The following TMEM131 variants were observed in gnomAD, a reference collection of about 807,000 sequenced individuals.
TMEM131 encodes 2610524E03Rik.
Under a neutral mutation model 211.6 loss-of-function variants are expected in TMEM131, and 66 were observed. The ratio of observed to expected loss-of-function variants is 0.31; its 90% CI spans 0.26 to 0.38. The LOEUF is 0.38. Among genes scored for constraint, TMEM131 ranks in the 10% least tolerant of loss-of-function variants. The probability of loss-of-function intolerance (pLI) is 1.00; values close to 1 mark genes in which losing one functional copy is unlikely to be tolerated. For synonymous variants in TMEM131, 844 were observed against 841.3 expected (o/e 1.00, Z -0.06); for missense variants, 2,036 against 2,299.3 (o/e 0.89, Z 2.34).
intron 1 of TMEM131, among the ~76,000 whole-genome samples, chr2:97,936,719 T>C (rs550074958): frequency 6.6e-6 from 1 of 150,700 alleles, no homozygotes; most frequent in Admixed American, 6.6e-5. Context: ...ATTTCCAGAG[T>C]TGCCACCTTA....
chr2:97,796,146 TA>T (rs1202683921), intron 28 of TMEM131, 71 bp downstream of exon 28: 2 of 895,500 alleles, frequency 2.2e-6, no homozygotes, highest in Non-Finnish European at 3.2e-6. Flanking sequence ...CTTTGGTAAA[TA>T]TGAAAACATA....
chr2:97,768,905 A>G (rs1182013015), intron 33 of TMEM131, among the ~76,000 whole-genome samples: 1 of 150,818 alleles, frequency 6.6e-6, no homozygotes, highest in Admixed American at 6.7e-5. Context: ...CCCAGACTGA[A>G]GTGATTCTTT....
At chr2:97,811,650 C>A (rs185609458) in intron 17 of TMEM131, among the ~76,000 whole-genome samples, 58 of 152,358 alleles carry the variant, frequency 3.8e-4, no homozygotes, top group Non-Finnish European at 6.9e-4. Flanking sequence ...ATATTCATAT[C>A]TTCAGGGCAG....
intron 2 of TMEM131, among the ~76,000 whole-genome samples, chr2:97,918,992 G>A (rs1345127063): frequency 6.6e-6 from 1 of 152,178 alleles, no homozygotes; most frequent in Admixed American, 6.5e-5. Flanking sequence ...TGTCAGCTGG[G>A]AGCTCAGCTG....
chr2:97,894,388 T>G (rs1290035324), intron 3 of TMEM131, among the ~76,000 whole-genome samples: 1 of 152,204 alleles, frequency 6.6e-6, no homozygotes, highest in Non-Finnish European at 1.5e-5. Context: ...CATATGAAGT[T>G]TAAAGTAGTT....
chr2:97,799,022 T>C (rs997884916), intron 25 of TMEM131, among the ~76,000 whole-genome samples: 2 of 152,184 alleles, frequency 1.3e-5, no homozygotes, highest in African/African-American at 4.8e-5. Context: ...ATAGTGGTGG[T>C]TCTCCAAGAG....
At chr2:97,879,728 GTCT>G (rs560283963) in intron 4 of TMEM131, among the ~76,000 whole-genome samples, 4 of 152,066 alleles carry the variant, frequency 2.6e-5, no homozygotes, top group Non-Finnish European at 4.4e-5. Context: ...TTTCCTTACT[GTCT>G]TCTTAACATT....
intron 31 of TMEM131, among the ~76,000 whole-genome samples, chr2:97,785,748 C>T (rs1237556405): frequency 6.6e-6 from 1 of 152,074 alleles, no homozygotes; most frequent in Non-Finnish European, 1.5e-5. Flanking sequence ...CATAACAGCC[C>T]CAAATTAGAC....
At chr2:97,851,889 G>T (rs549955425) in intron 5 of TMEM131, among the ~76,000 whole-genome samples, 60 of 152,282 alleles carry the variant, frequency 3.9e-4, no homozygotes, top group Middle Eastern at 3.4e-3. Context: ...TGTAAGTGTT[G>T]GAGTAAAAGG....
chr2:97,790,078 A>G (rs1680429336), intron 31 of TMEM131, among the ~76,000 whole-genome samples: 1 of 152,098 alleles, frequency 6.6e-6, no homozygotes, highest in South Asian at 2.1e-4. Context: ...CCAGGGGGAG[A>G]AAAAAAAGAA....
intron 3 of TMEM131, among the ~76,000 whole-genome samples, chr2:97,898,943 C>G (rs72942872): frequency 0.025 from 3,756 of 151,988 alleles, 165 homozygotes; most frequent in African/African-American, 0.087. Flanking sequence ...TTAATAAATA[C>G]CTATTAGGTC....
At chr2:97,759,913 A>C in intron 38 of TMEM131, 164 bp from the exon 39 acceptor site, 1 of 614,870 alleles carries the variant, frequency 1.6e-6, no homozygotes, top group Non-Finnish European at 2.9e-6. Flanking sequence ...TGCTTACCAC[A>C]AGGGTTGAGT....
chr2:97,952,405 ACACAT>A (rs1678366819), intron 1 of TMEM131, among the ~76,000 whole-genome samples: 1 of 152,220 alleles, frequency 6.6e-6, no homozygotes. Context: ...TCATATCAAG[ACACAT>A]CACAAACTTC....
intron 3 of TMEM131, among the ~76,000 whole-genome samples, chr2:97,907,970 G>A (rs1676141411): frequency 6.6e-6 from 1 of 152,090 alleles, no homozygotes; most frequent in Admixed American, 6.6e-5. Flanking sequence ...GGCTGGGAGT[G>A]AACACAAAAT....
At chr2:97,972,157 G>C (rs180745924) in intron 1 of TMEM131, among the ~76,000 whole-genome samples, 1 of 152,128 alleles carries the variant, frequency 6.6e-6, no homozygotes, top group African/African-American at 2.4e-5. Context: ...GCAGTGAGCC[G>C]AGATCTGCCA....
intron 18 of TMEM131, among the ~76,000 whole-genome samples, 192 bp from the exon 19 acceptor site, chr2:97,809,966 A>G (rs990838448): frequency 1.3e-5 from 2 of 152,242 alleles, no homozygotes; most frequent in Non-Finnish European, 2.9e-5. Context: ...GTAATGAAAT[A>G]TAACACATTT....
chr2:97,792,550 G>A lies in TMEM131; in HGVS notation c.3980C>T (p.Ala1327Val). The part of the protein sequence containing the change: ...QPERLSPAPL[A>V]HPSHPERASS... Reference sequence around the variant, plus strand: ...GGCACGTTCTGGGTGGGAAGGGTGTGCGAGGGGGGCGGGAGACAGCCTTTC... The same window carrying A: ...GGCACGTTCTGGGTGGGAAGGGTGTACGAGGGGGGCGGGAGACAGCCTTTC... The change falls in exon 31 of 41, where the codon GCA becomes GTA. Residue 1327 changes from alanine to valine, a missense_variant. Transcript: ENST00000186436. 1 of 1,613,370 alleles carries A rather than the reference G, an allele frequency of 6.2e-7. No homozygotes were observed. Among genetic ancestry groups the A allele is most frequent in the Non-Finnish European group, 8.5e-7 (1 of 1,179,654 alleles).
chr2:97,920,112 C>G (rs1676679744), intron 2 of TMEM131, among the ~76,000 whole-genome samples: 1 of 152,200 alleles, frequency 6.6e-6, no homozygotes, highest in Non-Finnish European at 1.5e-5. Context: ...AATGGGCAAT[C>G]TTTGCTCCAG....
At chr2:97,905,545 GTTTA>G (rs931808842) in intron 3 of TMEM131, among the ~76,000 whole-genome samples, 7 of 152,070 alleles carry the variant, frequency 4.6e-5, no homozygotes, top group African/African-American at 1.7e-4. Flanking sequence ...GTCACCAAGG[GTTTA>G]TTTGTTTTTT....
Sources: gnomAD v4.1 joint callset for allele counts (sites outside exome capture counted in the v4.1 genomes callset) on GRCh38, gnomAD v4.1.1 for gene constraint, MANE v1.5 for transcripts, NCBI Gene and HGNC (gene_info 2026-07-23, HGNC 2026-07-21) for gene names.